Variants in KCNH7 observed in about 807,000 individuals in gnomAD.
The protein encoded by KCNH7 is voltage-gated inwardly rectifying potassium channel KCNH7.
Under a neutral mutation model 120.8 loss-of-function variants are expected in KCNH7, and 49 were observed. The ratio of observed to expected loss-of-function variants is 0.41; its 90% CI spans 0.32 to 0.51. The LOEUF (loss-of-function observed/expected upper bound fraction) is 0.51, where lower values mean the gene tolerates loss of function less well. KCNH7 is among the 20% of genes least tolerant of loss of function. KCNH7 has a pLI of 0.38. For synonymous variants in KCNH7, 547 were observed against 516.1 expected, an observed-to-expected ratio of 1.06 and a Z score of -0.81; for missense variants, 1,097 against 1,446.6, an observed-to-expected ratio of 0.76 and a Z score of 3.92.
chr2:162,375,613 AGG>A (rs1234689370), intron 14 of KCNH7, among the ~76,000 whole-genome samples: 13 of 152,234 alleles, frequency 8.5e-5, no homozygotes, highest in African/African-American at 2.4e-4. Context: ...TTTTATGACA[AGG>A]GTCTGTTAGC....
At chr2:162,395,669 A>G (rs1336827111) in intron 11 of KCNH7, among the ~76,000 whole-genome samples, 1 of 151,800 alleles carries the variant, frequency 6.6e-6, no homozygotes, top group African/African-American at 2.4e-5. Flanking sequence ...TATGTTCTTA[A>G]TAACTAGAAT....
chr2:162,624,793 C>G (rs955055), intron 2 of KCNH7, among the ~76,000 whole-genome samples: 1 of 150,724 alleles, frequency 6.6e-6, no homozygotes, highest in South Asian at 2.1e-4. Flanking sequence ...CCTCTAACCT[C>G]TAATTCCATT....
chr2:162,531,258 C>T (rs1281017879), intron 3 of KCNH7, among the ~76,000 whole-genome samples: 2 of 151,894 alleles, frequency 1.3e-5, no homozygotes, highest in African/African-American at 2.4e-5. Context: ...AGACTATCTT[C>T]CATTTAGGAA....
chr2:162,611,540 A>G (rs562663635), intron 2 of KCNH7, among the ~76,000 whole-genome samples: 1 of 152,344 alleles, frequency 6.6e-6, no homozygotes, highest in South Asian at 2.1e-4. Flanking sequence ...AACATTACTT[A>G]GAGGGATTAA....
chr2:162,718,319 G>A (rs1687203252), intron 2 of KCNH7, among the ~76,000 whole-genome samples: 1 of 151,958 alleles, frequency 6.6e-6, no homozygotes, highest in African/African-American at 2.4e-5. Flanking sequence ...GGCAGGTGGT[G>A]CACTGACTTC....
intron 2 of KCNH7, among the ~76,000 whole-genome samples, chr2:162,724,760 A>G (rs1194652175): frequency 6.6e-6 from 1 of 152,146 alleles, no homozygotes; most frequent in Non-Finnish European, 1.5e-5. Context: ...GTACTGTACT[A>G]TACCCACCTA....
intron 2 of KCNH7, among the ~76,000 whole-genome samples, chr2:162,832,714 T>TGA (rs1475113772): frequency 6.6e-6 from 1 of 151,986 alleles, no homozygotes; most frequent in East Asian, 1.9e-4. Flanking sequence ...GTACATTACA[T>TGA]GAGAGAGAGA....
chr2:162,511,601 A>C (rs865996499), intron 5 of KCNH7, among the ~76,000 whole-genome samples: 3 of 151,040 alleles, frequency 2.0e-5, no homozygotes, highest in African/African-American at 4.9e-5. Context: ...GTTTGGGGGG[A>C]TACTGCCATA....
At position 162,384,318 on chromosome 2, in the gene KCNH7, G is replaced by C. The variant is rs143027267; in HGVS notation, c.2962+370C>G. 1.8e-3 allele frequency among the ~76,000 whole-genome samples: 272 copies of C among 151,924 alleles called. 1 individual carries two copies. The highest frequency in any genetic ancestry group is 6.0e-3 in the African/African-American group (251 of 41,512). On this transcript the variant is annotated intron_variant, in intron 13 of 15. Coordinates refer to ENST00000332142, the MANE Select transcript of KCNH7 (RefSeq NM_033272.4). The stretch of plus-strand genomic sequence containing the variant: ...TTCATACTATAATATTATAGGGTTG[G>C]GGGTGAGAAATGGGTACATAAGATA...
At chr2:162,570,176 T>C (rs1435265044) in intron 2 of KCNH7, among the ~76,000 whole-genome samples, 4 of 149,592 alleles carry the variant, frequency 2.7e-5, no homozygotes, top group Non-Finnish European at 4.4e-5. Flanking sequence ...AGTCTCTTTG[T>C]AGGTCTCTCA....
intron 2 of KCNH7, among the ~76,000 whole-genome samples, chr2:162,705,829 C>A (rs921636644): frequency 2.6e-5 from 4 of 151,956 alleles, no homozygotes; most frequent in Non-Finnish European, 5.9e-5. Context: ...TTTTGGGAAC[C>A]AATTTGGAAA....
In KCNH7 at chr2:162,421,902, G is replaced by C. The variant is rs79416867; in HGVS notation, c.2154+1434C>G. The stretch of plus-strand genomic sequence containing the variant: ...CAACAAAAAATGAGTGACATGTTTT[G>C]ATTAAGAATTCTTGACACTGCTTCA... On this transcript the variant is annotated intron_variant, in intron 9 of 15. Coordinates refer to ENST00000332142, the MANE Select transcript of KCNH7 (RefSeq NM_033272.4). Among the ~76,000 whole-genome samples, 528 of 152,194 alleles carry C rather than the reference G, an allele frequency of 3.5e-3. 8 individuals are homozygous for C. The highest frequency in any genetic ancestry group is 0.027 in the East Asian group (141 of 5,172).
intron 2 of KCNH7, among the ~76,000 whole-genome samples, chr2:162,543,594 C>CCG (rs1457839340): frequency 6.6e-6 from 1 of 152,058 alleles, no homozygotes; most frequent in Non-Finnish European, 1.5e-5. Context: ...TTTAAACACT[C>CCG]AGAGAAGGGG....
At chr2:162,662,899 C>T (rs1685012440) in intron 2 of KCNH7, among the ~76,000 whole-genome samples, 1 of 152,154 alleles carries the variant, frequency 6.6e-6, no homozygotes, top group African/African-American at 2.4e-5. Context: ...TATGAAATAG[C>T]ATAAAAAGCA....
At chr2:162,423,227 A>G (rs1308854697) in intron 9 of KCNH7, 109 bp downstream of exon 9, 1 of 1,594,604 alleles carries the variant, frequency 6.3e-7, no homozygotes, top group East Asian at 2.2e-5. Flanking sequence ...CATCCGAGAG[A>G]AGAAAACAAA....
At chr2:162,487,369 T>C (rs1690133968) in intron 6 of KCNH7, among the ~76,000 whole-genome samples, 2 of 152,154 alleles carry the variant, frequency 1.3e-5, no homozygotes, top group South Asian at 4.1e-4. Flanking sequence ...ATTTTCCAAG[T>C]TTGCCTGATC....
chr2:162,826,616 T>C (rs990988643), intron 2 of KCNH7, among the ~76,000 whole-genome samples: 2 of 152,132 alleles, frequency 1.3e-5, no homozygotes, highest in Non-Finnish European at 2.9e-5. Context: ...AGCAGCAAAA[T>C]GACAAACACA....
chr2:162,655,653 C>T (rs1245365742), intron 2 of KCNH7, among the ~76,000 whole-genome samples: 2 of 151,904 alleles, frequency 1.3e-5, no homozygotes, highest in East Asian at 1.9e-4. Context: ...ATTAGCTGGG[C>T]GTGGTGGCGC....
chr2:162,517,080 C>CT (rs1691326239), intron 4 of KCNH7, among the ~76,000 whole-genome samples: 2 of 151,732 alleles, frequency 1.3e-5, no homozygotes, highest in African/African-American at 4.8e-5. Context: ...TCTGCCACTG[C>CT]TTTTTTTAAG....
Sources: allele counts gnomAD v4.1 joint callset (sites outside exome capture counted in the v4.1 genomes callset), GRCh38; gene constraint gnomAD v4.1.1; transcripts MANE v1.5; gene names NCBI Gene and HGNC (gene_info 2026-07-23, HGNC 2026-07-21).